Variants in RBFOX1 observed in about 807,000 individuals in gnomAD.
RBFOX1 encodes RNA binding fox-1 homolog 1.
A neutral mutation model predicts 57.7 loss-of-function variants in RBFOX1; 8 were observed. The observed-to-expected ratio is 0.14, with a 90% CI of 0.08 to 0.25. RBFOX1 has a LOEUF of 0.25. RBFOX1 is among the 10% of genes least tolerant of loss of function. RBFOX1 has a pLI of 1.00. For synonymous variants in RBFOX1, 326 were observed against 222.4 expected, an observed-to-expected ratio of 1.47 and a Z score of -4.15; for missense variants, 611 against 548.5, an observed-to-expected ratio of 1.11 and a Z score of -1.14.
At chr16:7,511,402 C>T (rs529422622) in intron 4 of RBFOX1, among the ~76,000 whole-genome samples, 2 of 152,288 alleles carry the variant, frequency 1.3e-5, no homozygotes, top group East Asian at 3.9e-4. Context: ...TATTTTCTCT[C>T]TGACTCTGTC....
chr16:6,583,202 A>T (rs969178399), intron 2 of RBFOX1, among the ~76,000 whole-genome samples: 1 of 152,162 alleles, frequency 6.6e-6, no homozygotes, highest in African/African-American at 2.4e-5. Context: ...GAGTAGTTCT[A>T]ATGGGTCCTA....
At chr16:7,710,263 G>C in intron 15 of RBFOX1, 1 of 1,102,686 alleles carries the variant, frequency 9.1e-7, no homozygotes, top group Non-Finnish European at 1.1e-6. Context: ...TGAGGAATGT[G>C]TTGGAGAGTT....
At chr16:5,925,767 C>G (rs1258090386) in intron 4 of RBFOX1, among the ~76,000 whole-genome samples, 2 of 152,166 alleles carry the variant, frequency 1.3e-5, no homozygotes, top group East Asian at 3.8e-4. Context: ...CTCAGTCTCT[C>G]AGGTCTCTTC....
intron 1 of RBFOX1, among the ~76,000 whole-genome samples, chr16:6,248,641 G>A (rs559193272): frequency 3.3e-5 from 5 of 152,032 alleles, no homozygotes; most frequent in African/African-American, 7.2e-5. Context: ...ATACACTTTG[G>A]GGGGAGGTAT....
Position 6,798,827 on chromosome 16 carries a change from C to T in RBFOX1, c.-16+144177C>T, listed in dbSNP as rs147144831. ...GAGCATCTGTGATTAGATTGTGTTC[C>T]CTAGGATGCTTCGGGGAGTGTAATT... On this transcript the variant is annotated intron_variant, in intron 3 of 15. Coordinates refer to ENST00000550418, the MANE Select transcript of RBFOX1 (RefSeq NM_018723.4). Among the ~76,000 whole-genome samples, 5 of 152,122 alleles carry T rather than the reference C, an allele frequency of 3.3e-5. No individual in the cohort carries two copies. The East Asian group carries it at 9.7e-4, about 29-fold the overall frequency.
In RBFOX1 at chr16:6,866,417, A is replaced by T. The variant is rs560352333; in HGVS notation, c.-15-185640A>T. On this transcript the variant is annotated intron_variant, in intron 3 of 15. Coordinates refer to ENST00000550418, the MANE Select transcript of RBFOX1 (RefSeq NM_018723.4). ...AAATCAAACCTTATCCATCATCTCC[A>T]TGACTTCTAGTGTCTTTCCCATCTG... 3.3e-5 allele frequency among the ~76,000 whole-genome samples: 5 copies of T among 151,884 alleles called. No homozygotes were observed. In the East Asian group the frequency reaches 9.7e-4, roughly 29 times the overall value.
chr16:7,432,697 C>G (rs2098691774), intron 4 of RBFOX1, among the ~76,000 whole-genome samples: 1 of 152,200 alleles, frequency 6.6e-6, no homozygotes, highest in African/African-American at 2.4e-5. Flanking sequence ...AGATGGTTGG[C>G]TGAATCTGGC....
intron 2 of RBFOX1, among the ~76,000 whole-genome samples, chr16:6,327,296 G>A (rs1253512524): frequency 6.6e-6 from 1 of 151,994 alleles, no homozygotes; most frequent in African/African-American, 2.4e-5. Flanking sequence ...TCAGGATGAT[G>A]TTTTTCCGCT....
intron 1 of RBFOX1, among the ~76,000 whole-genome samples, chr16:6,073,524 G>A (rs1325069777): frequency 6.6e-6 from 1 of 152,092 alleles, no homozygotes; most frequent in African/African-American, 2.4e-5. Flanking sequence ...CCCAAAATAC[G>A]TGTAGCATGT....
At chr16:5,637,473 G>C (rs1028950890) in intron 3 of RBFOX1, among the ~76,000 whole-genome samples, 1 of 152,210 alleles carries the variant, frequency 6.6e-6, no homozygotes, top group Non-Finnish European at 1.5e-5. Context: ...CCTCCTCATA[G>C]GGTTGTTGTG....
intron 1 of RBFOX1, among the ~76,000 whole-genome samples, chr16:5,265,711 TG>T (rs1417374528): frequency 6.6e-6 from 1 of 152,164 alleles, no homozygotes; most frequent in African/African-American, 2.4e-5. Context: ...CTTTCAGAGC[TG>T]GGCTTGGCAA....
intron 2 of RBFOX1, among the ~76,000 whole-genome samples, chr16:5,479,120 T>G (rs561418128): frequency 3.3e-5 from 5 of 152,190 alleles, no homozygotes; most frequent in African/African-American, 7.2e-5. Context: ...TACATAAAAA[T>G]GCGGTCACAG....
At chr16:6,864,983 G>GTTT (rs201161627) in intron 3 of RBFOX1, among the ~76,000 whole-genome samples, 5 of 121,040 alleles carry the variant, frequency 4.1e-5, no homozygotes, top group African/African-American at 1.4e-4. Flanking sequence ...GTTGGAGTGG[G>GTTT]TTTTTCTTTT....
chr16:7,256,376 A>AT (rs1603450643), intron 4 of RBFOX1, among the ~76,000 whole-genome samples: 2 of 152,150 alleles, frequency 1.3e-5, no homozygotes, highest in Admixed American at 6.5e-5. Context: ...CCTCAGATTC[A>AT]TTTTCAATCT....
At chr16:6,473,838 A>G (rs2095230894) in intron 2 of RBFOX1, among the ~76,000 whole-genome samples, 3 of 152,158 alleles carry the variant, frequency 2.0e-5, no homozygotes. Context: ...TGATCGGTTA[A>G]GGTGCACACT....
rs1166998032 is a variant in RBFOX1 at position 5,284,756 on chromosome 16, A to ATTTTTTTTTTTT, written c.219+44666_219+44677dup. On this transcript the variant is annotated intron_variant, in intron 1 of 2. Transcript: ENST00000585867. ...GCTGGGTATAGTAGTTTTGGCTTAG[A>ATTTTTTTTTTTT]TTTTTTTTTTTTTTTTTTTTTTTTT... is the stretch of plus-strand genomic sequence containing the variant. Among the ~76,000 whole-genome samples, 175 of 61,030 alleles carry ATTTTTTTTTTTT rather than the reference A, an allele frequency of 2.9e-3. 18 individuals are homozygous for ATTTTTTTTTTTT. Among genetic ancestry groups the ATTTTTTTTTTTT allele is most frequent in the South Asian group, 8.7e-3 (11 of 1,262 alleles). The allele number at this position is 61,030 out of a possible 152,430, so 40.0% of individuals were successfully genotyped here.
At chr16:7,557,420 G>T (rs1274778806) in intron 5 of RBFOX1, among the ~76,000 whole-genome samples, 1 of 151,878 alleles carries the variant, frequency 6.6e-6, no homozygotes, top group Non-Finnish European at 1.5e-5. Flanking sequence ...AAGAATTCCA[G>T]ACCAGCCTGA....
chr16:5,833,494 C>CAAAAA (rs1183168830), intron 3 of RBFOX1, among the ~76,000 whole-genome samples: 15 of 59,326 alleles, frequency 2.5e-4, no homozygotes, highest in South Asian at 6.2e-4. Context: ...GACTCTATCT[C>CAAAAA]AAAAAAAAAA....
At chr16:6,392,459 C>G (rs1303334149) in intron 2 of RBFOX1, among the ~76,000 whole-genome samples, 1 of 152,074 alleles carries the variant, frequency 6.6e-6, no homozygotes, top group Non-Finnish European at 1.5e-5. Flanking sequence ...GTATTTCTAT[C>G]TCTGGAATAA....
Sources: gnomAD v4.1 joint callset for allele counts (sites outside exome capture counted in the v4.1 genomes callset) on GRCh38, gnomAD v4.1.1 for gene constraint, MANE v1.5 for transcripts, NCBI Gene and HGNC (gene_info 2026-07-23, HGNC 2026-07-21) for gene names.